The following DMD variants were observed in gnomAD, a reference collection of about 807,000 sequenced individuals.
DMD encodes the protein dystrophin, also known as mutant dystrophin.
In DMD, 63 loss-of-function variants were observed where a neutral mutation model predicts 330.1. The ratio of observed to expected loss-of-function variants is 0.19; its 90% CI spans 0.16 to 0.24. The LOEUF is 0.24. DMD is among the 10% of genes least tolerant of loss of function. DMD has a pLI of 1.00. For missense variants in DMD, 3,344 were observed against 2,684.1 expected (o/e 1.25, Z -5.43); for synonymous variants, 1,223 against 959.8 (o/e 1.27, Z -5.07).
At chrX:32,372,116 T>G (rs1217929974) in intron 34 of DMD, among the ~76,000 whole-genome samples, 1 of 111,600 alleles carries the variant, frequency 9.0e-6, no homozygotes, top group Non-Finnish European at 1.9e-5. Flanking sequence ...ACGGGAACAT[T>G]TGATCAGGTG....
At chrX:31,312,788 T>C (rs2055629507) in intron 62 of DMD, among the ~76,000 whole-genome samples, 1 of 111,926 alleles carries the variant, frequency 8.9e-6, no homozygotes, top group African/African-American at 3.3e-5. Context: ...TAAAAAGGAA[T>C]GAGATCACGT....
rs775308745 is a variant in DMD, at chrX:32,849,187, C to A, written c.186+541G>T. Among the ~76,000 whole-genome samples the A allele has an allele frequency of 4.5e-5, 5 of 111,615 alleles. No individual in the cohort carries two copies. In the East Asian group the frequency reaches 8.5e-4, roughly 19 times the overall value. On this transcript the variant is annotated intron_variant, in intron 3 of 78. Transcript: ENST00000357033. Reference sequence around the variant, plus strand: ...ATTTCAATTTGAGTTCTTTCCCCCCCCAGTGTAAGACCTTGATCAACATGA... The same window carrying A: ...ATTTCAATTTGAGTTCTTTCCCCCCACAGTGTAAGACCTTGATCAACATGA...
chrX:31,121,571 C>T lies in DMD; in HGVS notation c.*348G>A. ...TTTTTAAACAACCCAAAATGCGTTC[C>T]ATATAAAGAAATGGCAAGTTATTTA... On this transcript the variant is annotated 3_prime_UTR_variant, in exon 79 of 79. Transcript: ENST00000357033. The T allele has an allele frequency of 7.2e-6, 2 of 278,797 alleles. No individual in the cohort carries two copies. The highest frequency in any genetic ancestry group is 1.3e-5 in the Non-Finnish European group (2 of 158,447). 23.0% of individuals were successfully genotyped at this position (278,797 alleles called of 1,213,427 possible). A position where few individuals can be genotyped will look rare whatever the true frequency, so the allele number is the denominator to read the frequency against.
chrX:31,954,389 T>C (rs746008600), intron 45 of DMD, among the ~76,000 whole-genome samples: 2 of 111,750 alleles, frequency 1.8e-5, no homozygotes, highest in East Asian at 2.8e-4. Context: ...CAGATTCTCT[T>C]GTTATCTTTA....
chrX:31,550,948 A>C (rs1382402807), intron 55 of DMD, among the ~76,000 whole-genome samples: 4 of 112,068 alleles, frequency 3.6e-5, no homozygotes, highest in Non-Finnish European at 7.5e-5. Context: ...TGGGAGGCCA[A>C]GGCGGGCGGA....
chrX:32,685,878 T>A (rs1383449141), intron 9 of DMD, among the ~76,000 whole-genome samples: 5 of 112,148 alleles, frequency 4.5e-5, no homozygotes, highest in African/African-American at 1.6e-4. Flanking sequence ...CTATTAAACT[T>A]TATAATGAAC....
chrX:33,120,586 GA>G (rs1211381505), intron 1 of DMD, among the ~76,000 whole-genome samples: 2 of 110,770 alleles, frequency 1.8e-5, no homozygotes, highest in Non-Finnish European at 3.8e-5. Flanking sequence ...CTCCTCTATT[GA>G]AACACTTTTT....
chrX:31,924,477 GATT>G (rs2094740208), intron 47 of DMD, among the ~76,000 whole-genome samples: 1 of 112,020 alleles, frequency 8.9e-6, no homozygotes, highest in African/African-American at 3.2e-5. Context: ...CATGATTAGA[GATT>G]AATACAAAAT....
intron 45 of DMD, among the ~76,000 whole-genome samples, chrX:31,941,781 A>G (rs1379117665): frequency 2.7e-5 from 3 of 111,434 alleles, no homozygotes; most frequent in South Asian, 3.8e-4. Context: ...GCTTCTAACT[A>G]TCTTCGGTTT....
At chrX:31,867,059 A>T (rs1192245886) in intron 48 of DMD, among the ~76,000 whole-genome samples, 2 of 104,722 alleles carry the variant, frequency 1.9e-5, no homozygotes, top group East Asian at 5.8e-4. Context: ...TTTGAAATAA[A>T]ATTGAATATA....
chrX:32,626,328 G>A lies in DMD; in HGVS notation c.1332-11875C>T, dbSNP rs1016926885. On this transcript the variant is annotated intron_variant, in intron 11 of 78. Coordinates refer to ENST00000357033, the MANE Select transcript of DMD (RefSeq NM_004006.3). The stretch of plus-strand genomic sequence containing the variant: ...CTAAAAATACAAAAATTAGCTGGGC[G>A]TGGTGGCAAGCACTTTTTAATCCCG... Among the ~76,000 whole-genome samples, 3 of 104,910 alleles carry A rather than the reference G, an allele frequency of 2.9e-5. 1 individual carries two copies. Among genetic ancestry groups the A allele is most frequent in the African/African-American group, 8.0e-5 (2 of 25,059 alleles). 91.1% of individuals were successfully genotyped at this position (104,910 alleles called of 115,157 possible).
intron 44 of DMD, among the ~76,000 whole-genome samples, chrX:32,173,016 TA>T (rs983025781): frequency 7.4e-4 from 80 of 107,534 alleles, no homozygotes; most frequent in African/African-American, 2.4e-3. Context: ...ACTGCTCAAT[TA>T]AAAAAAAATT....
chrX:32,859,784 T>G (rs1235040949), intron 2 of DMD, among the ~76,000 whole-genome samples: 2 of 111,396 alleles, frequency 1.8e-5, no homozygotes, highest in Non-Finnish European at 3.8e-5. Flanking sequence ...ATGTCTTTGT[T>G]GCAGGTGGCA....
At chrX:31,816,007 G>A (rs1460356910) in intron 50 of DMD, among the ~76,000 whole-genome samples, 1 of 111,962 alleles carries the variant, frequency 8.9e-6, no homozygotes, top group African/African-American at 3.2e-5. Flanking sequence ...AGACCATCTA[G>A]CTCCTGTTCA....
At chrX:31,362,187 A>C (rs1051662608) in intron 60 of DMD, among the ~76,000 whole-genome samples, 1 of 112,463 alleles carries the variant, frequency 8.9e-6, no homozygotes, top group East Asian at 2.8e-4. Flanking sequence ...ATTTTGCATG[A>C]GTAAAGGGCT....
intron 43 of DMD, among the ~76,000 whole-genome samples, chrX:32,237,356 ATT>A (rs369102170): frequency 1.8e-5 from 2 of 108,421 alleles, no homozygotes; most frequent in Non-Finnish European, 3.8e-5. Context: ...AATACATTAG[ATT>A]TTTTTTTTCT....
chrX:31,621,140 C>G (rs1312634305), intron 55 of DMD, among the ~76,000 whole-genome samples: 5 of 111,809 alleles, frequency 4.5e-5, no homozygotes, highest in Non-Finnish European at 9.4e-5. Context: ...TTCTGCAACT[C>G]ATGATTGAGT....
chrX:32,044,552 G>C (rs993780932), intron 44 of DMD, among the ~76,000 whole-genome samples: 10 of 110,251 alleles, frequency 9.1e-5, no homozygotes, highest in Non-Finnish European at 1.9e-4. Flanking sequence ...CTCCCAAGTA[G>C]CTGAGACTAC....
chrX:31,151,316 C>G (rs2037389525), intron 74 of DMD, among the ~76,000 whole-genome samples: 1 of 112,451 alleles, frequency 8.9e-6, no homozygotes, highest in South Asian at 3.7e-4. Flanking sequence ...ACTGGCAACA[C>G]TTTTTATGTA....
Sources: allele counts gnomAD v4.1 joint callset (sites outside exome capture counted in the v4.1 genomes callset), GRCh38; gene constraint gnomAD v4.1.1; transcripts MANE v1.5; gene names NCBI Gene and HGNC (gene_info 2026-07-23, HGNC 2026-07-21).